PEX1: variants seen among roughly 807,000 people sequenced by gnomAD.
PEX1 encodes peroxisomal biogenesis factor 1.
A neutral mutation model predicts 152.5 loss-of-function variants in PEX1; 97 were observed. The observed-to-expected ratio is 0.64, with a 90% CI of 0.54 to 0.75. The LOEUF is 0.75. Among genes scored for constraint, PEX1 ranks in the 30% least tolerant of loss-of-function variants. PEX1 has a pLI of 0.00. For synonymous variants in PEX1, 485 were observed against 531.6 expected (o/e 0.91, Z 1.21); for missense variants, 1,357 against 1,516.3 (o/e 0.89, Z 1.74).
chr7:92,525,444 G>A (rs929304572), intron 1 of PEX1, among the ~76,000 whole-genome samples: 1 of 152,202 alleles, frequency 6.6e-6, no homozygotes, highest in South Asian at 2.1e-4. Flanking sequence ...CTGTGTATAT[G>A]AATCCTCTCC....
At position 92,490,194 on chromosome 7, in the gene PEX1, CAGGTTTCTTCA is replaced by C. The variant is rs1791217266; in HGVS notation, c.3439-294_3439-284del. 7 of 399,758 alleles carry C rather than the reference CAGGTTTCTTCA, an allele frequency of 1.8e-5. No homozygotes were observed. The Admixed American group carries it at 2.9e-4, about 17-fold the overall frequency. 24.8% of individuals were successfully genotyped at this position (399,758 alleles called of 1,614,324 possible). ...AATCCAACACACTAATGCCCAAGGA[CAGGTTTCTTCA>C]TTTTCAGAAAGTAAAGTTATACTAA... is the stretch of plus-strand genomic sequence containing the variant. On this transcript the variant is annotated intron_variant, in intron 21 of 23. Transcript: ENST00000248633.
intron 12 of PEX1, 101 bp downstream of exon 12, chr7:92,504,631 A>G: frequency 8.3e-7 from 1 of 1,200,388 alleles, no homozygotes; most frequent in Non-Finnish European, 1.2e-6. Flanking sequence ...CACTTAACAT[A>G]ACACATATAT....
In PEX1 at chr7:92,502,070, A is replaced by G; in HGVS notation, c.2236T>C (p.Cys746Arg). Reference protein sequence around the residue: ...HIQPPNQEQRCEILCNVIKNK... With the variant: ...HIQPPNQEQRREILCNVIKNK... ...TTTATTACATTACACAGAATTTCACATCTTTGTTCCTAAAGAAAAAAACAC... is the reference window on the plus strand; with the variant it reads ...TTTATTACATTACACAGAATTTCACGTCTTTGTTCCTAAAGAAAAAAACAC... The change falls in exon 14 of 24, where the codon TGT (cysteine) becomes CGT (arginine). Residue 746 changes from cysteine to arginine, a missense_variant. Transcript: ENST00000248633. 1 of 1,596,090 alleles carries G rather than the reference A, an allele frequency of 6.3e-7. No homozygotes were observed. The highest frequency in any genetic ancestry group is 8.6e-7 in the Non-Finnish European group (1 of 1,166,664).
At chr7:92,505,512 T>C (rs1792149538) in intron 11 of PEX1, among the ~76,000 whole-genome samples, 1 of 152,056 alleles carries the variant, frequency 6.6e-6, no homozygotes, top group Non-Finnish European at 1.5e-5. Context: ...GAATTTTAGA[T>C]GGCTTACAAC....
rs1002823624 is a variant in PEX1, at chr7:92,517,133, T to C, written c.1239+143A>G. 5.7e-6 allele frequency: 4 copies of C among 701,102 alleles called. No individual in the cohort carries two copies. The Admixed American group carries it at 7.5e-5, about 13-fold the overall frequency. The allele number at this position is 701,102 out of a possible 1,614,324, so 43.4% of individuals were successfully genotyped here. A position where few individuals can be genotyped will look rare whatever the true frequency, so the allele number is the denominator to read the frequency against. On this transcript the variant is annotated intron_variant, in intron 5 of 23. Transcript: ENST00000248633. ...CAAACAAGGACTTTACTGCAAAGCG[T>C]AAATGTGTCCCCCAAGTGCCTTTAG...
rs184085841 is a variant in PEX1 at position 92,514,971 on chromosome 7, C to T, written c.1240-1004G>A. 5.6e-4 allele frequency among the ~76,000 whole-genome samples: 84 copies of T among 151,294 alleles called. No individual in the cohort carries two copies. In the Middle Eastern group the frequency reaches 0.01, roughly 19 times the overall value. ...GGCTGAGGCAAGAGAATCGCTTGAA[C>T]CTGGGAGGCAGAGCTTGCATTGAGT... On this transcript the variant is annotated intron_variant, in intron 5 of 23. Transcript: ENST00000248633.
Position 92,528,354 on chromosome 7 carries a change from A to G in PEX1, c.82T>C (p.Phe28Leu). 3 of 1,580,818 alleles carry G rather than the reference A, an allele frequency of 1.9e-6. No individual in the cohort carries two copies. Among genetic ancestry groups the G allele is most frequent in the Non-Finnish European group, 2.6e-6 (3 of 1,165,402 alleles). ...TVAFTNARDCFLHLPRRLVAQ... is the reference protein window; with the variant it reads ...TVAFTNARDCLLHLPRRLVAQ... Reference sequence around the variant, plus strand: ...ACGAGACGCCGCGGCAGGTGGAGGAAGCAGTCGCGAGCGTTGGTGAAGGCC... The same window carrying G: ...ACGAGACGCCGCGGCAGGTGGAGGAGGCAGTCGCGAGCGTTGGTGAAGGCC... Residue 28 changes from phenylalanine (F) to leucine (L), a missense_variant, in exon 1 of 24, where the codon TTC becomes CTC. Physicochemically the swap from Phe to Leu is conservative, Grantham distance 22. Coordinates refer to ENST00000248633, the MANE Select transcript of PEX1 (RefSeq NM_000466.3).
chr7:92,494,694 T>C (rs1458497204), intron 17 of PEX1, 65 bp from the exon 18 acceptor site: 5 of 1,292,810 alleles, frequency 3.9e-6, no homozygotes, highest in East Asian at 2.4e-5. Context: ...TGATTTCATA[T>C]ACATATATGA....
intron 8 of PEX1, 98 bp downstream of exon 8, chr7:92,510,846 C>A (rs1485539438): frequency 4.5e-6 from 3 of 671,366 alleles, no homozygotes; most frequent in Admixed American, 5.2e-5. Context: ...GTTTTTAATA[C>A]ACTTCACAAT....
rs765998871 is a variant in PEX1 at position 92,489,345 on chromosome 7, C to A, written c.3715G>T (p.Gly1239Cys). The A allele has an allele frequency of 1.2e-5, 19 of 1,612,970 alleles. No individual in the cohort carries two copies. Among genetic ancestry groups the A allele is most frequent in the Non-Finnish European group, 1.6e-5 (19 of 1,179,176 alleles). ...TCACTAATGGATGGTCTTGTGTGAC[C>A]AAGTGCAGTCATTAAATGTGACTGA... Reference protein sequence around the residue: ...ISQSHLMTALGHTRPSISEDD... With the variant: ...ISQSHLMTALCHTRPSISEDD... The change falls in exon 23 of 24, where the codon GGT (glycine) becomes TGT (cysteine). Residue 1239 changes from glycine to cysteine, a missense_variant. Transcript: ENST00000248633.
chr7:92,494,283 A>T lies in PEX1; in HGVS notation c.3030+10T>A, dbSNP rs1368851306. 3.1e-6 allele frequency: 5 copies of T among 1,598,262 alleles called. No individual in the cohort carries two copies. The highest frequency in any genetic ancestry group is 4.3e-6 in the Non-Finnish European group (5 of 1,166,198). On this transcript the variant is annotated intron_variant, in intron 19 of 23. Coordinates refer to ENST00000248633, the MANE Select transcript of PEX1 (RefSeq NM_000466.3). The stretch of plus-strand genomic sequence containing the variant: ...TGTTGGGTTTTGGACTCTAAATATG[A>T]AATTGTCACCTGATCAGGAGGAGGA...
intron 6 of PEX1, among the ~76,000 whole-genome samples, chr7:92,512,657 T>C (rs1792532287): frequency 6.6e-6 from 1 of 151,714 alleles, no homozygotes; most frequent in Non-Finnish European, 1.5e-5. Flanking sequence ...GCCCCGATAA[T>C]TTTGGTATTT....
At chr7:92,528,213 C>G in intron 1 of PEX1, 94 bp downstream of exon 1, 2 of 1,511,372 alleles carry the variant, frequency 1.3e-6, no homozygotes, top group Non-Finnish European at 1.8e-6. Flanking sequence ...CGGCGGCGCC[C>G]GGGTGGCAGC....
rs768127515 is a variant in PEX1 at position 92,496,757 on chromosome 7, T to G, written c.2739A>C (p.Lys913Asn). The G allele has an allele frequency of 6.2e-7, 1 of 1,609,148 alleles. No homozygotes were observed. Among genetic ancestry groups the G allele is most frequent in the Non-Finnish European group, 8.5e-7 (1 of 1,175,636 alleles). Residue 913 changes from lysine (K) to asparagine (N), a missense_variant, in exon 17 of 24, where the codon AAA becomes AAC. Coordinates refer to ENST00000248633, the MANE Select transcript of PEX1 (RefSeq NM_000466.3). ...ISVKGPELLSKYIGASEQAVR... is the reference protein window; with the variant it reads ...ISVKGPELLSNYIGASEQAVR... ...CAGCTTGTTCACTTGCTCCAATGTA[T>G]TTGCTGAGTAACTCTGGCCCCTATT...
At chr7:92,526,562 T>C (rs201137880) in intron 1 of PEX1, among the ~76,000 whole-genome samples, 1 of 152,222 alleles carries the variant, frequency 6.6e-6, no homozygotes, top group East Asian at 1.9e-4. Context: ...CAAAGATGTG[T>C]TATTTTCAAC....
intron 1 of PEX1, among the ~76,000 whole-genome samples, chr7:92,527,021 T>C (rs1233726407): frequency 6.6e-6 from 1 of 152,348 alleles, no homozygotes; most frequent in African/African-American, 2.4e-5. Flanking sequence ...CATTGATAAT[T>C]AGAAAGTAAA....
rs570312277 is a variant in PEX1 at position 92,516,523 on chromosome 7, A to G, written c.1239+753T>C. ...AGGTCACAGGTAAAACTGTTGGAGAAAAAAAAAAAATCTACAAAAGGAGAC... is the reference window on the plus strand; with the variant it reads ...AGGTCACAGGTAAAACTGTTGGAGAGAAAAAAAAAATCTACAAAAGGAGAC... On this transcript the variant is annotated intron_variant, in intron 5 of 23. Transcript: ENST00000248633. Among the ~76,000 whole-genome samples, 8 of 149,910 alleles carry G rather than the reference A, an allele frequency of 5.3e-5. No homozygotes were observed. The East Asian group carries it at 1.6e-3, about 29-fold the overall frequency.
chr7:92,511,738 A>C, intron 6 of PEX1, 35 bp from the exon 7 acceptor site: 1 of 1,593,686 alleles, frequency 6.3e-7, no homozygotes, highest in South Asian at 1.1e-5. Context: ...AATTATCCTC[A>C]TATCTGAACT....
chr7:92,516,415 A>G (rs1792790046), intron 5 of PEX1, among the ~76,000 whole-genome samples: 1 of 151,924 alleles, frequency 6.6e-6, no homozygotes, highest in South Asian at 2.1e-4. Context: ...AAGAAGAGTG[A>G]AACTCCATCT....
Sources: allele counts gnomAD v4.1 joint callset (sites outside exome capture counted in the v4.1 genomes callset), GRCh38; gene constraint gnomAD v4.1.1; transcripts MANE v1.5; gene names NCBI Gene and HGNC (gene_info 2026-07-23, HGNC 2026-07-21).